Variants in PTPRD observed in about 807,000 individuals in gnomAD.
PTPRD encodes the protein receptor-type tyrosine-protein phosphatase delta.
A neutral mutation model predicts 214.5 loss-of-function variants in PTPRD; 34 were observed. That is an observed-to-expected ratio of 0.16 (90% confidence interval 0.12 to 0.21). PTPRD has a LOEUF of 0.21. Among genes scored for constraint, PTPRD ranks in the 10% least tolerant of loss-of-function variants. The pLI is 1.00. For synonymous variants in PTPRD, 1,128 were observed against 845.7 expected (o/e 1.33, Z -5.79); for missense variants, 2,545 against 2,398.7 (o/e 1.06, Z -1.27).
intron 8 of PTPRD, among the ~76,000 whole-genome samples, chr9:9,468,840 TA>T (rs992095137): frequency 2.0e-5 from 3 of 152,172 alleles, no homozygotes; most frequent in Non-Finnish European, 2.9e-5. Flanking sequence ...CTGACAGGTT[TA>T]TTCTCAAGGC....
chr9:9,942,754 T>A (rs2091815740), intron 4 of PTPRD, among the ~76,000 whole-genome samples: 2 of 152,212 alleles, frequency 1.3e-5, no homozygotes, highest in South Asian at 4.1e-4. Flanking sequence ...TAAAGACATT[T>A]GTGTGTATTT....
intron 3 of PTPRD, among the ~76,000 whole-genome samples, chr9:10,224,264 C>T (rs1037589507): frequency 2.6e-5 from 4 of 151,768 alleles, no homozygotes; most frequent in African/African-American, 7.3e-5. Context: ...GTATATATTA[C>T]ACATGCGCAG....
At chr9:9,334,090 G>A (rs7875240) in intron 9 of PTPRD, among the ~76,000 whole-genome samples, 18,776 of 151,804 alleles carry the variant, frequency 0.12, 3,868 homozygotes, top group African/African-American at 0.43. Flanking sequence ...GTATATGCCC[G>A]TAATGTATAC....
chr9:10,189,903 G>A (rs1041668555), intron 3 of PTPRD, among the ~76,000 whole-genome samples: 4 of 152,002 alleles, frequency 2.6e-5, no homozygotes, highest in Admixed American at 6.6e-5. Flanking sequence ...ATGCATAAAG[G>A]CCTGGAAACA....
At chr9:8,783,370 C>T (rs2095815583) in intron 11 of PTPRD, among the ~76,000 whole-genome samples, 1 of 152,118 alleles carries the variant, frequency 6.6e-6, no homozygotes, top group African/African-American at 2.4e-5. Flanking sequence ...ACTGGTGTTT[C>T]CTACTCAAAT....
rs151315580 is a variant in PTPRD, at chr9:8,846,372, G to A, written c.-103-112426C>T. On this transcript the variant is annotated intron_variant, in intron 11 of 45. Coordinates refer to ENST00000381196, the MANE Select transcript of PTPRD (RefSeq NM_002839.4). Reference sequence around the variant, plus strand: ...TGCACCGAGCCAGGCCATGTAGTAGGAGCTGGAGATGTCACTGGGAATAAG... The same window carrying A: ...TGCACCGAGCCAGGCCATGTAGTAGAAGCTGGAGATGTCACTGGGAATAAG... 6.5e-4 allele frequency among the ~76,000 whole-genome samples: 99 copies of A among 152,250 alleles called. 1 individual carries two copies. In the Middle Eastern group the frequency reaches 0.01, roughly 16 times the overall value.
chr9:9,999,802 C>T (rs1322459529), intron 4 of PTPRD, among the ~76,000 whole-genome samples: 5 of 152,060 alleles, frequency 3.3e-5, no homozygotes, highest in Non-Finnish European at 7.4e-5. Context: ...TTAAGTTTGA[C>T]GGGACTTTTT....
intron 12 of PTPRD, among the ~76,000 whole-genome samples, chr9:8,684,756 G>A (rs931097559): frequency 6.6e-6 from 1 of 152,082 alleles, no homozygotes; most frequent in East Asian, 1.9e-4. Context: ...GCTGTGTTTT[G>A]ATTTTAAGGG....
At chr9:10,240,675 T>A (rs1014441790) in intron 3 of PTPRD, among the ~76,000 whole-genome samples, 1 of 151,926 alleles carries the variant, frequency 6.6e-6, no homozygotes, top group East Asian at 1.9e-4. Flanking sequence ...GTTAATTTTT[T>A]AAATTGATTA....
intron 2 of PTPRD, among the ~76,000 whole-genome samples, chr9:10,343,987 T>C: frequency 7.2e-6 from 1 of 138,060 alleles, no homozygotes; most frequent in South Asian, 2.4e-4. Flanking sequence ...AGTTTTTTTT[T>C]TTTTTTTTTT....
chr9:10,292,901 G>C (rs1212517108), intron 3 of PTPRD, among the ~76,000 whole-genome samples: 4 of 151,708 alleles, frequency 2.6e-5, no homozygotes, highest in South Asian at 2.1e-4. Flanking sequence ...ACATTAGTTA[G>C]TAAGTTACAT....
chr9:9,956,796 T>C (rs1029873931), intron 4 of PTPRD, among the ~76,000 whole-genome samples: 1 of 152,174 alleles, frequency 6.6e-6, no homozygotes, highest in Non-Finnish European at 1.5e-5. Flanking sequence ...GATTTTGTTT[T>C]CTAGCACTGA....
At chr9:9,173,422 GA>G (rs1465965709) in intron 10 of PTPRD, among the ~76,000 whole-genome samples, 1 of 152,058 alleles carries the variant, frequency 6.6e-6, no homozygotes, top group East Asian at 1.9e-4. Flanking sequence ...TAACACTGGG[GA>G]TACATTCTGA....
At chr9:8,782,019 G>C (rs567595108) in intron 11 of PTPRD, among the ~76,000 whole-genome samples, 1 of 150,470 alleles carries the variant, frequency 6.6e-6, no homozygotes, top group East Asian at 2.0e-4. Flanking sequence ...TATATATTAT[G>C]CATATTATGT....
At chr9:8,739,239 T>G (rs1445457921) in intron 11 of PTPRD, among the ~76,000 whole-genome samples, 2 of 152,186 alleles carry the variant, frequency 1.3e-5, no homozygotes, top group Non-Finnish European at 2.9e-5. Flanking sequence ...ACAACACAAG[T>G]ACATGAAAAG....
intron 7 of PTPRD, among the ~76,000 whole-genome samples, chr9:9,641,683 A>G (rs2095960157): frequency 6.6e-6 from 1 of 152,232 alleles, no homozygotes; most frequent in Non-Finnish European, 1.5e-5. Context: ...CATGACAAAA[A>G]TAACAAAGGA....
At chr9:8,724,629 A>T (rs941721286) in intron 12 of PTPRD, among the ~76,000 whole-genome samples, 1 of 152,090 alleles carries the variant, frequency 6.6e-6, no homozygotes, top group Non-Finnish European at 1.5e-5. Context: ...GCCTTGTCTT[A>T]CCCAGTCTCC....
intron 12 of PTPRD, among the ~76,000 whole-genome samples, chr9:8,674,294 C>A (rs1163751189): frequency 6.6e-6 from 1 of 151,796 alleles, no homozygotes. Context: ...CCCGTCTCTA[C>A]TAAAAACACA....
At chr9:10,414,256 T>C (rs1296500318) in intron 2 of PTPRD, among the ~76,000 whole-genome samples, 1 of 150,422 alleles carries the variant, frequency 6.6e-6, no homozygotes, top group Non-Finnish European at 1.5e-5. Flanking sequence ...AAATAAAAAT[T>C]AAAAAACCAT....
Sources: allele counts gnomAD v4.1 joint callset (sites outside exome capture counted in the v4.1 genomes callset), GRCh38; gene constraint gnomAD v4.1.1; transcripts MANE v1.5; gene names NCBI Gene and HGNC (gene_info 2026-07-23, HGNC 2026-07-21).